CMBL: variants seen among roughly 807,000 people sequenced by gnomAD.
The protein encoded by CMBL is carboxymethylenebutenolidase homolog.
CMBL carries 17 observed loss-of-function variants against 28.7 expected under a neutral mutation model. That is an observed-to-expected ratio of 0.59 (90% CI 0.41 to 0.89). The LOEUF (loss-of-function observed/expected upper bound fraction) is 0.89. Among genes scored for constraint, CMBL ranks in the 40% least tolerant of loss-of-function variants. CMBL has a pLI of 0.00. For missense variants in CMBL, 310 were observed against 298.5 expected, an observed-to-expected ratio of 1.04 and a Z score of -0.28; for synonymous variants, 106 against 101.6, an observed-to-expected ratio of 1.04 and a Z score of -0.26.
At chr5:10,303,200 T>G (rs1000590121) in intron 1 of CMBL, among the ~76,000 whole-genome samples, 2 of 152,196 alleles carry the variant, frequency 1.3e-5, no homozygotes, top group African/African-American at 4.8e-5. Flanking sequence ...ATCCCCGATC[T>G]TTGAGTTGTC....
intron 1 of CMBL, among the ~76,000 whole-genome samples, chr5:10,300,017 C>A (rs1579477475): frequency 6.6e-6 from 1 of 152,106 alleles, no homozygotes; most frequent in East Asian, 1.9e-4. Flanking sequence ...TTGTATTCCC[C>A]CAAAATACAT....
rs770734908 is a variant in CMBL at position 10,290,729 on chromosome 5, T to C, written c.34A>G (p.Ile12Val). 1.9e-6 allele frequency: 3 copies of C among 1,614,242 alleles called. No homozygotes were observed. Among genetic ancestry groups the C allele is most frequent in the Non-Finnish European group, 1.7e-6 (2 of 1,180,048 alleles). Residue 12 changes from isoleucine (I) to valine (V), a missense_variant, in exon 2 of 6, where the codon ATT becomes GTT. Coordinates refer to ENST00000296658, the MANE Select transcript of CMBL (RefSeq NM_138809.4). ...ANEAYPCPCD[I>V]GHRLEYGGLG... ...CCTCCATACTCAAGTCTGTGGCCAA[T>C]GTCACACGGACAAGGATAAGCTTCG...
intron 1 of CMBL, among the ~76,000 whole-genome samples, chr5:10,292,411 T>TATA (rs1411579133): frequency 4.6e-5 from 7 of 152,132 alleles, no homozygotes; most frequent in Non-Finnish European, 7.3e-5. Flanking sequence ...AAGGTCTCAT[T>TATA]ATATTGTCCA....
rs1403036189 is a variant in CMBL, at chr5:10,289,271, C to T, written c.216-742G>A. ...CATGCTGCTGTGTGGCCTTGGCCTTCACAAGTCATGTCACCGCTTCTAGCC... is the reference window on the plus strand; with the variant it reads ...CATGCTGCTGTGTGGCCTTGGCCTTTACAAGTCATGTCACCGCTTCTAGCC... On this transcript the variant is annotated intron_variant, in intron 2 of 5. Transcript: ENST00000296658. This position sits in a 1 kb window ranked among gnomAD's most constrained non-coding sequence, Gnocchi z 4.3. 6.6e-6 allele frequency among the ~76,000 whole-genome samples: 1 copy of T among 152,180 alleles called. No homozygotes were observed. The highest frequency in any genetic ancestry group is 1.9e-4 in the East Asian group (1 of 5,192).
chr5:10,279,235 A>G lies in CMBL; in HGVS notation c.*1218T>C, dbSNP rs975026850. The G allele has an allele frequency of 6.6e-6, 1 of 152,196 alleles. No homozygotes were observed. The highest frequency in any genetic ancestry group is 1.5e-5 in the Non-Finnish European group (1 of 68,038). The allele number at this position is 152,196 out of a possible 1,614,324, so 9.4% of individuals were successfully genotyped here. A position where few individuals can be genotyped will look rare whatever the true frequency, so the allele number is the denominator to read the frequency against. On this transcript the variant is annotated 3_prime_UTR_variant, in exon 6 of 6. Coordinates refer to ENST00000296658, the MANE Select transcript of CMBL (RefSeq NM_138809.4). ...GAGACAACAGCTGGGTGACAACTCT[A>G]GCCCACCGTTCTCTGCTATCTTTTT...
intron 1 of CMBL, among the ~76,000 whole-genome samples, chr5:10,304,374 G>GT (rs1488740242): frequency 6.6e-6 from 1 of 151,994 alleles, no homozygotes; most frequent in East Asian, 1.9e-4. Context: ...TGTCTCAAAA[G>GT]TATTAGCTAA....
At chr5:10,298,001 G>A (rs751960197) in intron 1 of CMBL, among the ~76,000 whole-genome samples, 12 of 152,142 alleles carry the variant, frequency 7.9e-5, no homozygotes, top group African/African-American at 1.2e-4. Flanking sequence ...GGGGACCAGC[G>A]AGAAGTACGT....
chr5:10,300,273 C>T (rs990735029), intron 1 of CMBL, among the ~76,000 whole-genome samples: 1 of 151,972 alleles, frequency 6.6e-6, no homozygotes, highest in Non-Finnish European at 1.5e-5. Context: ...GCTGGCCCCC[C>T]ACCAGACGCT....
chr5:10,302,412 A>G (rs1171131050), intron 1 of CMBL, among the ~76,000 whole-genome samples: 2 of 151,880 alleles, frequency 1.3e-5, no homozygotes, highest in Non-Finnish European at 2.9e-5. Context: ...TGGAAGGCCA[A>G]GGCTGGTGGA....
Position 10,286,465 on chromosome 5 carries a change from G to A in CMBL, c.355C>T (p.Gln119Ter), listed in dbSNP as rs745576546. ...EISAILKYLK[Q>*]QCHAQKIGIV... ...CCAATTTTCTGGGCATGACACTGTTGTTTCAGATACTTCAAGATAGCACTG... is the reference window on the plus strand; with the variant it reads ...CCAATTTTCTGGGCATGACACTGTTATTTCAGATACTTCAAGATAGCACTG... Residue 119 changes from glutamine to a stop codon, truncating the protein, a stop_gained, in exon 4 of 6, where the codon CAA becomes TAA. Coordinates refer to ENST00000296658, the MANE Select transcript of CMBL (RefSeq NM_138809.4). LOFTEE classifies it high-confidence loss of function. 6.2e-7 allele frequency: 1 copy of A among 1,614,020 alleles called. No individual in the cohort carries two copies. Among genetic ancestry groups the A allele is most frequent in the Non-Finnish European group, 8.5e-7 (1 of 1,179,928 alleles).
intron 1 of CMBL, among the ~76,000 whole-genome samples, chr5:10,297,295 C>T (rs1374723843): frequency 1.3e-5 from 2 of 151,940 alleles, no homozygotes; most frequent in Admixed American, 6.6e-5. Flanking sequence ...AGAGGCCGGG[C>T]GTGGTGGCTC....
At chr5:10,290,961 A>T (rs910722054) in intron 1 of CMBL, among the ~76,000 whole-genome samples, 180 bp from the exon 2 acceptor site, 5 of 152,234 alleles carry the variant, frequency 3.3e-5, no homozygotes, top group Non-Finnish European at 7.3e-5. Flanking sequence ...GGCTATAGAC[A>T]CTAGAAATGC....
chr5:10,305,961 C>T (rs1746994520), intron 1 of CMBL, among the ~76,000 whole-genome samples: 1 of 151,660 alleles, frequency 6.6e-6, no homozygotes, highest in South Asian at 2.1e-4. Context: ...TATACATTTG[C>T]ACTTCTTGAC....
At chr5:10,285,688 C>CTCTCTCTTTCTTTCTTTCTCTCTCTT (rs1554013422) in intron 4 of CMBL, among the ~76,000 whole-genome samples, 1 of 144,308 alleles carries the variant, frequency 6.9e-6, no homozygotes, top group Non-Finnish European at 1.5e-5. Flanking sequence ...TTCTTTCTTT[C>CTCTCTCTTTCTTTCTTTCTCTCTCTT]TCTTTCTTTT....
At chr5:10,286,119 C>T (rs978068646) in intron 4 of CMBL, 1 of 412,494 alleles carries the variant, frequency 2.4e-6, no homozygotes, top group African/African-American at 2.0e-5. Flanking sequence ...GATTAGGTGG[C>T]TTTCCCAAAG....
chr5:10,290,433 A>G (rs1392502006), intron 2 of CMBL, 115 bp downstream of exon 2: 8 of 815,988 alleles, frequency 9.8e-6, no homozygotes. Flanking sequence ...GGAAGTTTCT[A>G]ATGTACAGTA....
chr5:10,283,360 T>G (rs1436170397), intron 4 of CMBL, among the ~76,000 whole-genome samples: 2 of 152,182 alleles, frequency 1.3e-5, no homozygotes, highest in African/African-American at 4.8e-5. Flanking sequence ...CTGGCTTGAA[T>G]GCACTGAGTA....
rs906841457 is a variant in CMBL at position 10,278,810 on chromosome 5, G to C, written c.*1643C>G. On this transcript the variant is annotated 3_prime_UTR_variant, in exon 6 of 6. Coordinates refer to ENST00000296658, the MANE Select transcript of CMBL (RefSeq NM_138809.4). ...AATAAACTGGACACAGGTCAGATGA[G>C]AGCCACAAGGTCATGTGCCAGGATA... Among the ~76,000 whole-genome samples the C allele has an allele frequency of 1.3e-5, 2 of 152,040 alleles. No individual in the cohort carries two copies. Among genetic ancestry groups the C allele is most frequent in the African/African-American group, 2.4e-5 (1 of 41,372 alleles).
intron 1 of CMBL, among the ~76,000 whole-genome samples, chr5:10,297,874 C>T (rs955125419): frequency 3.3e-5 from 5 of 151,942 alleles, no homozygotes; most frequent in African/African-American, 1.2e-4. Context: ...GGGTGTGGGG[C>T]GGGAGAGTGT....
Sources: gnomAD v4.1 joint callset for allele counts (sites outside exome capture counted in the v4.1 genomes callset) on GRCh38, gnomAD v4.1.1 for gene constraint, Gnocchi (gnomAD v3.1) non-coding constraint, MANE v1.5 for transcripts, NCBI Gene and HGNC (gene_info 2026-07-23, HGNC 2026-07-21) for gene names.